Variants in IL1RAPL2 observed in about 807,000 individuals in gnomAD.
IL1RAPL2 encodes X-linked interleukin-1 receptor accessory protein-like 2.
Under a neutral mutation model 44.1 loss-of-function variants are expected in IL1RAPL2, and 3 were observed. The ratio of observed to expected loss-of-function variants is 0.07; its 90% CI spans 0.03 to 0.18. The LOEUF is 0.18. IL1RAPL2 is among the 10% of genes least tolerant of loss of function. IL1RAPL2 has a pLI of 1.00. For missense variants in IL1RAPL2, 391 were observed against 496.4 expected, an observed-to-expected ratio of 0.79 and a Z score of 2.02; for synonymous variants, 181 against 178.8, an observed-to-expected ratio of 1.01 and a Z score of -0.10.
chrX:104,585,753 T>G (rs1928548578), intron 1 of IL1RAPL2, among the ~76,000 whole-genome samples: 1 of 109,821 alleles, frequency 9.1e-6, no homozygotes, highest in Non-Finnish European at 1.9e-5. Flanking sequence ...TCCATCCATG[T>G]TGCTGCAAAG....
At chrX:105,679,636 GGAACAAT>G (rs1346288398) in intron 6 of IL1RAPL2, among the ~76,000 whole-genome samples, 3 of 111,628 alleles carry the variant, frequency 2.7e-5, no homozygotes, top group Non-Finnish European at 3.8e-5. Context: ...ATTCAGACAA[GGAACAAT>G]GAACAATGAA....
At chrX:104,741,196 A>C (rs1932097460) in intron 2 of IL1RAPL2, among the ~76,000 whole-genome samples, 1 of 111,539 alleles carries the variant, frequency 9.0e-6, no homozygotes, top group African/African-American at 3.2e-5. Flanking sequence ...TCTCCATGAT[A>C]GTTCTTTAAA....
chrX:104,659,141 G>A, intron 2 of IL1RAPL2, 146 bp downstream of exon 2: 1 of 443,614 alleles, frequency 2.3e-6, no homozygotes, highest in Non-Finnish European at 4.0e-6. Flanking sequence ...AAATAAAAAT[G>A]ATGTTTAATC....
At chrX:104,698,307 A>C (rs1044769894) in intron 2 of IL1RAPL2, among the ~76,000 whole-genome samples, 3 of 112,538 alleles carry the variant, frequency 2.7e-5, no homozygotes, top group Admixed American at 9.4e-5. Flanking sequence ...AACTGTACTC[A>C]AAGGCAACAG....
At chrX:105,407,851 A>G (rs1274144405) in intron 5 of IL1RAPL2, among the ~76,000 whole-genome samples, 5 of 112,042 alleles carry the variant, frequency 4.5e-5, no homozygotes, top group African/African-American at 1.6e-4. Flanking sequence ...CACCAGACCA[A>G]GCAATTCTAT....
intron 1 of IL1RAPL2, among the ~76,000 whole-genome samples, chrX:104,585,526 A>G (rs990547218): frequency 9.7e-5 from 9 of 92,558 alleles, no homozygotes; most frequent in African/African-American, 3.6e-4. Flanking sequence ...TTTGTTGTAC[A>G]GATTATTTCA....
intron 2 of IL1RAPL2, among the ~76,000 whole-genome samples, chrX:104,982,346 T>C (rs1216748047): frequency 9.0e-6 from 1 of 111,359 alleles, no homozygotes; most frequent in African/African-American, 3.3e-5. Context: ...TACACATTTA[T>C]AGACACATAA....
chrX:104,765,966 A>C (rs1224365159), intron 2 of IL1RAPL2, among the ~76,000 whole-genome samples: 1 of 112,225 alleles, frequency 8.9e-6, no homozygotes, highest in Non-Finnish European at 1.9e-5. Flanking sequence ...AGTGTTTTCC[A>C]AATATCTAGT....
chrX:104,945,204 G>T (rs900290289), intron 2 of IL1RAPL2, among the ~76,000 whole-genome samples: 5 of 110,772 alleles, frequency 4.5e-5, no homozygotes, highest in Non-Finnish European at 9.4e-5. Context: ...ATAAGGAAGG[G>T]TGAATAGTAT....
chrX:104,763,182 G>T (rs1932495891), intron 2 of IL1RAPL2, among the ~76,000 whole-genome samples: 1 of 111,666 alleles, frequency 9.0e-6, no homozygotes, highest in African/African-American at 3.3e-5. Flanking sequence ...CAGATCTCTA[G>T]GGCAGGGGCA....
At chrX:104,636,478 C>T (rs184545341) in intron 1 of IL1RAPL2, among the ~76,000 whole-genome samples, 70 of 112,347 alleles carry the variant, frequency 6.2e-4, no homozygotes, top group African/African-American at 1.8e-3. Flanking sequence ...CCTTGAGCTG[C>T]GGTGGACTCC....
chrX:104,687,621 C>T (rs1931012301), intron 2 of IL1RAPL2, among the ~76,000 whole-genome samples: 1 of 111,719 alleles, frequency 9.0e-6, no homozygotes, highest in Admixed American at 9.5e-5. Context: ...CCATTTGGGA[C>T]ATGCTATCCT....
At chrX:105,658,054 C>T (rs887103869) in intron 6 of IL1RAPL2, among the ~76,000 whole-genome samples, 1 of 110,783 alleles carries the variant, frequency 9.0e-6, no homozygotes. Context: ...CATGGCTGGC[C>T]GACTGGACCT....
intron 2 of IL1RAPL2, among the ~76,000 whole-genome samples, chrX:104,680,477 A>G (rs1035364843): frequency 4.5e-5 from 5 of 111,711 alleles, no homozygotes; most frequent in African/African-American, 1.6e-4. Flanking sequence ...ACTAAGCCCC[A>G]CACTTAAAAG....
chrX:105,246,502 G>A (rs2034220657), intron 4 of IL1RAPL2, among the ~76,000 whole-genome samples: 1 of 111,348 alleles, frequency 9.0e-6, no homozygotes, highest in Non-Finnish European at 1.9e-5. Flanking sequence ...TTATATAGCA[G>A]GGAACAAATG....
chrX:105,539,122 A>G (rs183803871), intron 6 of IL1RAPL2, among the ~76,000 whole-genome samples: 1 of 111,440 alleles, frequency 9.0e-6, no homozygotes, highest in East Asian at 2.8e-4. Context: ...CCCAGAGCAA[A>G]GTACAGATGC....
intron 2 of IL1RAPL2, among the ~76,000 whole-genome samples, chrX:105,138,127 C>A (rs1387909096): frequency 9.0e-6 from 1 of 110,740 alleles, no homozygotes; most frequent in Non-Finnish European, 1.9e-5. Flanking sequence ...ACAGTTGTTC[C>A]CAGTAAGTCC....
intron 2 of IL1RAPL2, among the ~76,000 whole-genome samples, chrX:104,810,373 CCTG>C (rs1932966049): frequency 9.1e-6 from 1 of 110,223 alleles, no homozygotes; most frequent in East Asian, 2.8e-4. Context: ...ATGTAACTAA[CCTG>C]CACATTGTGC....
At chrX:104,905,419 G>A (rs1371251405) in intron 2 of IL1RAPL2, among the ~76,000 whole-genome samples, 1 of 111,550 alleles carries the variant, frequency 9.0e-6, no homozygotes, top group Non-Finnish European at 1.9e-5. Flanking sequence ...TTTTCTTCTA[G>A]GGTTTTTATG....
Sources: allele counts gnomAD v4.1 joint callset (sites outside exome capture counted in the v4.1 genomes callset), GRCh38; gene constraint gnomAD v4.1.1; transcripts MANE v1.5; gene names NCBI Gene and HGNC (gene_info 2026-07-23, HGNC 2026-07-21).